ALOX12: variants seen among roughly 807,000 people sequenced by gnomAD.
ALOX12 encodes the protein polyunsaturated fatty acid lipoxygenase ALOX12.
Under a neutral mutation model 85.5 loss-of-function variants are expected in ALOX12, and 62 were observed. The ratio of observed to expected loss-of-function variants is 0.73; its 90% CI spans 0.59 to 0.90. The LOEUF is 0.90. ALOX12 is among the 40% of genes least tolerant of loss of function. The pLI, the probability that ALOX12 is intolerant of heterozygous loss-of-function variation, is 0.00. For missense variants in ALOX12, 751 were observed against 856.5 expected, an observed-to-expected ratio of 0.88 and a Z score of 1.54; for synonymous variants, 299 against 332.7, an observed-to-expected ratio of 0.90 and a Z score of 1.10.
chr17:7,003,404 T>A (rs1908810134), intron 8 of ALOX12, among the ~76,000 whole-genome samples: 1 of 152,092 alleles, frequency 6.6e-6, no homozygotes, highest in Non-Finnish European at 1.5e-5. Context: ...ACAAGCTAAA[T>A]GCTACAAAAA....
At chr17:7,008,289 G>A (rs796666770) in intron 11 of ALOX12, among the ~76,000 whole-genome samples, 9 of 152,178 alleles carry the variant, frequency 5.9e-5, no homozygotes, top group Admixed American at 5.2e-4. Flanking sequence ...GCTCACTTTT[G>A]TCTAGTTTTC....
In ALOX12 at chr17:7,000,424, C is replaced by T. The variant is rs1354298462; in HGVS notation, c.896C>T (p.Pro299Leu). 3.1e-6 allele frequency: 5 copies of T among 1,613,974 alleles called. No individual in the cohort carries two copies. The highest frequency in any genetic ancestry group is 1.3e-5 in the African/African-American group (1 of 74,900). Residue 299 changes from proline (P) to leucine (L), a missense_variant, in exon 7 of 14, where the codon CCC becomes CTC. Physicochemically the swap from Pro to Leu is moderately conservative, Grantham distance 98. Coordinates refer to ENST00000251535, the MANE Select transcript of ALOX12 (RefSeq NM_000697.3). The surrounding 1 kb of genome is among the most constrained non-coding windows in gnomAD (Gnocchi z 4.6). ...GGAGAGAAGCAATACCTGGCTGCCC[C>T]CCTCGTTATGCTGAAGATGGAGCCC... ...IRGEKQYLAA[P>L]LVMLKMEPNG... is the part of the protein sequence containing the mutation.
chr17:7,006,615 C>T lies in ALOX12; in HGVS notation c.1540+8C>T. On this transcript the variant is annotated splice_region_variant and intron_variant, in intron 11 of 13. Transcript: ENST00000251535. ...GCCAGGCCCAGGACCGAGGTAAGAT[C>T]CATTCTAGAGACAGAAGAAGCTCCT... The T allele has an allele frequency of 6.3e-7, 1 of 1,588,808 alleles. No individual in the cohort carries two copies. The highest frequency in any genetic ancestry group is 8.6e-7 in the Non-Finnish European group (1 of 1,166,860).
rs1361101170 is a variant in ALOX12, at chr17:6,996,259, G to A, written c.135+7G>A. 1 of 1,234,690 alleles carries A rather than the reference G, an allele frequency of 8.1e-7. No homozygotes were observed. The highest frequency in any genetic ancestry group is 1.0e-6 in the Non-Finnish European group (1 of 984,370). 76.5% of individuals were successfully genotyped at this position (1,234,690 alleles called of 1,614,324 possible). On this transcript the variant is annotated splice_region_variant and intron_variant, in intron 1 of 13. Transcript: ENST00000251535. ...GCGGCCCGCGCGGGGCGAGGTCAGC[G>A]CGGGGAGCGAGGGGAGCTAGGGCAG...
At position 6,996,222 on chromosome 17, in the gene ALOX12, G is replaced by A. The variant is rs1023784283; in HGVS notation, c.105G>A (p.Leu35=). Reference sequence around the variant, plus strand: ...TCGGGACGCGCGGGGAGGCGGAGCTGGAGCTGCAGCTGCGGCCCGCGCGGG... The same window carrying A: ...TCGGGACGCGCGGGGAGGCGGAGCTAGAGCTGCAGCTGCGGCCCGCGCGGG... ...WLVGTRGEAE[L]ELQLRPARGE... is the part of the protein sequence containing the mutation. The change falls in exon 1 of 14, where the codon CTG becomes CTA. Residue 35 remains leucine, a synonymous_variant. Coordinates refer to ENST00000251535, the MANE Select transcript of ALOX12 (RefSeq NM_000697.3). The A allele has an allele frequency of 8.0e-7, 1 of 1,249,860 alleles. No homozygotes were observed. The highest frequency in any genetic ancestry group is 3.9e-5 in the South Asian group (1 of 25,496). The allele number at this position is 1,249,860 out of a possible 1,614,324, so 77.4% of individuals were successfully genotyped here.
In ALOX12 at chr17:7,000,181, G is replaced by A. The variant is rs923536423; in HGVS notation, c.808-155G>A. Among the ~76,000 whole-genome samples the A allele has an allele frequency of 6.6e-5, 10 of 152,168 alleles. No homozygotes were observed. Among genetic ancestry groups the A allele is most frequent in the Non-Finnish European group, 5.9e-5 (4 of 68,026 alleles). ...AGACTGTTTCTTCACTTTAAGATGA[G>A]AGGAACTGGACCAGGGGCTCTAGTT... On this transcript the variant is annotated intron_variant, in intron 6 of 13. Coordinates refer to ENST00000251535, the MANE Select transcript of ALOX12 (RefSeq NM_000697.3). This position sits in a 1 kb window ranked among gnomAD's most constrained non-coding sequence, Gnocchi z 4.6.
chr17:7,000,582 CTCAG>C lies in ALOX12; in HGVS notation c.951+105_951+108del. On this transcript the variant is annotated intron_variant, in intron 7 of 13. Coordinates refer to ENST00000251535, the MANE Select transcript of ALOX12 (RefSeq NM_000697.3). This position sits in a 1 kb window ranked among gnomAD's most constrained non-coding sequence, Gnocchi z 4.6. The stretch of plus-strand genomic sequence containing the variant: ...TCTTGGCTCCCAAACCCCATCCTCA[CTCAG>C]TGAGACTTGTCTTCATGTCACTATT... 2 of 1,329,362 alleles carry C rather than the reference CTCAG, an allele frequency of 1.5e-6. No homozygotes were observed. Among genetic ancestry groups the C allele is most frequent in the Non-Finnish European group, 2.1e-6 (2 of 954,752 alleles). The allele number at this position is 1,329,362 out of a possible 1,614,324, so 82.3% of individuals were successfully genotyped here. A position where few individuals can be genotyped will look rare whatever the true frequency, so the allele number is the denominator to read the frequency against.
chr17:7,009,338 C>T (rs1205445750), intron 11 of ALOX12, among the ~76,000 whole-genome samples: 1 of 152,184 alleles, frequency 6.6e-6, no homozygotes, highest in South Asian at 2.1e-4. Flanking sequence ...GGACTACAGG[C>T]GTGAGCCACC....
chr17:6,996,288 G>A (rs974469489), intron 1 of ALOX12, 36 bp downstream of exon 1: 5 of 1,223,822 alleles, frequency 4.1e-6, no homozygotes, highest in Non-Finnish European at 5.1e-6. Flanking sequence ...AGGGCAGCGG[G>A]GACCCCGGGC....
intron 11 of ALOX12, 75 bp downstream of exon 11, chr17:7,006,682 G>A: frequency 1.3e-6 from 2 of 1,503,208 alleles, no homozygotes; most frequent in Non-Finnish European, 1.8e-6. Flanking sequence ...TGCCCTTCTG[G>A]GGACAGGACC....
In ALOX12 at chr17:6,999,267, G is replaced by C. The variant is rs772210455; in HGVS notation, c.647-39G>C. The C allele has an allele frequency of 3.1e-6, 5 of 1,612,996 alleles. No homozygotes were observed. The Admixed American group carries it at 6.7e-5, about 22-fold the overall frequency. Reference sequence around the variant, plus strand: ...TAGATTTTGGAGAAGGGATATGCAGGCTGTGGTACATATATCCTCCTTTCA... The same window carrying C: ...TAGATTTTGGAGAAGGGATATGCAGCCTGTGGTACATATATCCTCCTTTCA... On this transcript the variant is annotated intron_variant, in intron 5 of 13. Transcript: ENST00000251535.
intron 7 of ALOX12, chr17:7,001,367 C>T: frequency 1.8e-6 from 1 of 559,842 alleles, no homozygotes; most frequent in Non-Finnish European, 3.2e-6. Flanking sequence ...CAGGTTTCTC[C>T]CACACCACTG....
chr17:7,005,271 T>C lies in ALOX12; in HGVS notation c.1176T>C (p.His392=), dbSNP rs1014133692. 1 of 1,613,606 alleles carries C rather than the reference T, an allele frequency of 6.2e-7. No individual in the cohort carries two copies. The highest frequency in any genetic ancestry group is 8.5e-7 in the Non-Finnish European group (1 of 1,179,630). The change falls in exon 9 of 14, where the codon CAT becomes CAC. Residue 392 remains histidine (H), a synonymous_variant. Transcript: ENST00000251535. ...CTCCTCTCCAGTTCCTGATCCCCCA[T>C]ATCCGCTACACCATGGAAATCAACA... ...LHPIFKFLIP[H]IRYTMEINTR...
rs746977850 is a variant in ALOX12 at position 7,009,585 on chromosome 17, G to A, written c.1541-162G>A. On this transcript the variant is annotated intron_variant, in intron 11 of 13. Transcript: ENST00000251535. ...GGTTAAGCTGGCCTATGGTAACTAA[G>A]TGTAAGTGACTGAGCCAGGACTTAA... 1.2e-4 allele frequency: 78 copies of A among 647,656 alleles called. No homozygotes were observed. In the Middle Eastern group the frequency reaches 1.7e-3, roughly 14 times the overall value. The allele number at this position is 647,656 out of a possible 1,614,324, so 40.1% of individuals were successfully genotyped here.
chr17:7,004,747 G>A (rs1231710613), intron 8 of ALOX12, among the ~76,000 whole-genome samples: 4 of 152,032 alleles, frequency 2.6e-5, no homozygotes, highest in Non-Finnish European at 2.9e-5. Context: ...ACTAAAAGAT[G>A]GAGATGCAGC....
intron 10 of ALOX12, 141 bp from the exon 11 acceptor site, chr17:7,006,345 T>G: frequency 8.2e-7 from 1 of 1,220,020 alleles, no homozygotes; most frequent in Non-Finnish European, 1.1e-6. Context: ...GAGATGCTAG[T>G]GTGTTTAGAG....
intron 7 of ALOX12, 141 bp from the exon 8 acceptor site, chr17:7,001,461 G>T: frequency 1.1e-6 from 1 of 879,948 alleles, no homozygotes. Context: ...CGAGCGGCAG[G>T]CTGGGAGGGT....
rs758764573 is a variant in ALOX12 at position 6,996,815 on chromosome 17, G to A, written c.136-11G>A. The stretch of plus-strand genomic sequence containing the variant: ...CTCCTACTAAGTCTGGCCTGGGTCC[G>A]GCCTGCACAGGAGGAGGAGTTTGAT... On this transcript the variant is annotated splice_polypyrimidine_tract_variant and intron_variant, in intron 1 of 13. Transcript: ENST00000251535. 2.7e-5 allele frequency: 44 copies of A among 1,608,002 alleles called. No homozygotes were observed. The highest frequency in any genetic ancestry group is 3.6e-5 in the Non-Finnish European group (42 of 1,175,608).
At chr17:6,999,731 G>A (rs1597851393) in intron 6 of ALOX12, 3 of 462,456 alleles carry the variant, frequency 6.5e-6, no homozygotes, top group Non-Finnish European at 1.2e-5. Context: ...CCTGGCCGCA[G>A]TGTTCTGGAC....
Sources: allele counts gnomAD v4.1 joint callset (sites outside exome capture counted in the v4.1 genomes callset), GRCh38; gene constraint gnomAD v4.1.1; non-coding constraint Gnocchi (gnomAD v3.1); transcripts MANE v1.5; gene names NCBI Gene and HGNC (gene_info 2026-07-23, HGNC 2026-07-21).